The following GPHN variants were observed in gnomAD, a reference collection of about 807,000 sequenced individuals.
GPHN encodes gephyrin.
In GPHN, 17 loss-of-function variants were observed where a neutral mutation model predicts 95.5. That is an observed-to-expected ratio of 0.18 (90% CI 0.12 to 0.27). The LOEUF is 0.27. Ranked by LOEUF, GPHN falls within the 10% of genes least tolerant of loss-of-function variation. The pLI is 1.00. For synonymous variants in GPHN, 320 were observed against 322.5 expected (o/e 0.99, Z 0.08); for missense variants, 660 against 978.1 (o/e 0.67, Z 4.34).
intron 22 of GPHN, among the ~76,000 whole-genome samples, chr14:67,180,023 C>G (rs1376534138): frequency 1.3e-5 from 2 of 152,256 alleles, no homozygotes; most frequent in South Asian, 2.1e-4. Flanking sequence ...TCTAGCTATA[C>G]CATCTTGAAA....
the GPHN span, among the ~76,000 whole-genome samples, chr14:67,263,455 TA>T: frequency 6.6e-6 from 1 of 152,218 alleles, no homozygotes; most frequent in Non-Finnish European, 1.5e-5. Context: ...TTTCATTGTT[TA>T]AAAGAGAATC....
At chr14:67,254,485 A>C in the GPHN span, among the ~76,000 whole-genome samples, 2 of 152,136 alleles carry the variant, frequency 1.3e-5, no homozygotes, top group Admixed American at 1.3e-4. Context: ...GTACTACCAT[A>C]ATAAAAGTTA....
intron 5 of GPHN, among the ~76,000 whole-genome samples, chr14:66,900,883 C>A (rs955796766): frequency 6.6e-6 from 1 of 151,866 alleles, no homozygotes; most frequent in African/African-American, 2.4e-5. Flanking sequence ...ATGTTGATTT[C>A]CCTTCTTTTG....
At chr14:67,290,684 C>T in the GPHN span, among the ~76,000 whole-genome samples, 1 of 152,122 alleles carries the variant, frequency 6.6e-6, no homozygotes, top group South Asian at 2.1e-4. Context: ...AGGCGTGAGC[C>T]ACTGTGCCTA....
chr14:66,954,299 T>C (rs1187342421), intron 8 of GPHN, among the ~76,000 whole-genome samples: 2 of 152,204 alleles, frequency 1.3e-5, no homozygotes, highest in African/African-American at 4.8e-5. Context: ...TTGCCTTTAA[T>C]TTCTTTCAGC....
chr14:67,367,300 G>T, the GPHN span, among the ~76,000 whole-genome samples: 1 of 152,178 alleles, frequency 6.6e-6, no homozygotes, highest in East Asian at 1.9e-4. Flanking sequence ...GCACGATCTT[G>T]GCTCACTGCA....
chr14:67,724,399 T>C, the GPHN span: 1 of 992,036 alleles, frequency 1.0e-6, no homozygotes, highest in African/African-American at 1.6e-5. Flanking sequence ...AGAGTTTTTT[T>C]TTTTTTTTTT....
chr14:67,715,245 T>C, the GPHN span: 626 of 152,070 alleles, frequency 4.1e-3, 1 homozygote, highest in Admixed American at 6.9e-3. Flanking sequence ...CCCCCTAAAT[T>C]GAATAGACTT....
chr14:66,846,540 T>C (rs1417300225), intron 4 of GPHN, among the ~76,000 whole-genome samples: 1 of 152,080 alleles, frequency 6.6e-6, no homozygotes, highest in East Asian at 1.9e-4. Flanking sequence ...TGGCTGTATA[T>C]AAGGAAATCC....
chr14:67,593,396 T>A, the GPHN span: 82 of 254,444 alleles, frequency 3.2e-4, no homozygotes, highest in East Asian at 5.3e-3. Context: ...GAGGCTGAGG[T>A]GGGAGAATGG....
chr14:67,102,333 G>T (rs1010716457), intron 13 of GPHN, among the ~76,000 whole-genome samples: 8 of 151,888 alleles, frequency 5.3e-5, no homozygotes, highest in Non-Finnish European at 5.9e-5. Flanking sequence ...TCCTGAGATG[G>T]AATACCCAAC....
the GPHN span, chr14:67,733,975 C>A: frequency 2.9e-6 from 2 of 679,808 alleles, no homozygotes; most frequent in Non-Finnish European, 5.4e-6. Flanking sequence ...CTGCTCTGAT[C>A]CTCTTGACCC....
At chr14:67,052,097 A>G (rs1467068604) in intron 10 of GPHN, among the ~76,000 whole-genome samples, 2 of 152,206 alleles carry the variant, frequency 1.3e-5, no homozygotes, top group African/African-American at 2.4e-5. Context: ...ACAGGATCAA[A>G]TTCACAAATA....
chr14:67,127,986 C>A lies in GPHN; in HGVS notation c.1748+5609C>A, dbSNP rs570299101. Among the ~76,000 whole-genome samples, 17 of 152,286 alleles carry A rather than the reference C, an allele frequency of 1.1e-4. No homozygotes were observed. The East Asian group carries it at 3.3e-3, about 29-fold the overall frequency. On this transcript the variant is annotated intron_variant, in intron 17 of 22. Coordinates refer to ENST00000478722, the MANE Select transcript of GPHN (RefSeq NM_020806.5). ...GGCCTCTTTACCACAATTTTATATTCCTGTGTAGCAACATACTATTTCCAT... is the reference window on the plus strand; with the variant it reads ...GGCCTCTTTACCACAATTTTATATTACTGTGTAGCAACATACTATTTCCAT...
the GPHN span, among the ~76,000 whole-genome samples, chr14:67,257,095 C>G: frequency 2.0e-5 from 3 of 151,964 alleles, no homozygotes; most frequent in African/African-American, 7.3e-5. Context: ...CAACTTGAGG[C>G]GGGGGCTTTC....
At chr14:66,578,699 A>G (rs1411950369) in intron 1 of GPHN, among the ~76,000 whole-genome samples, 1 of 149,856 alleles carries the variant, frequency 6.7e-6, no homozygotes, top group African/African-American at 2.4e-5. Context: ...TTGCTCAAAG[A>G]AAGAAAAAAA....
chr14:67,522,445 C>G, the GPHN span, among the ~76,000 whole-genome samples: 1 of 152,098 alleles, frequency 6.6e-6, no homozygotes, highest in South Asian at 2.1e-4. Context: ...ATTGTTGAGG[C>G]GAGCCTGGTT....
At chr14:66,602,988 G>T (rs1339494766) in intron 1 of GPHN, among the ~76,000 whole-genome samples, 2 of 151,794 alleles carry the variant, frequency 1.3e-5, no homozygotes, top group Non-Finnish European at 3.0e-5. Flanking sequence ...TTTTGATCCA[G>T]TGTTCAATTT....
Position 66,675,602 on chromosome 14 carries a change from G to T in GPHN, c.65-5505G>T, listed in dbSNP as rs532435582. ...GTTGATCTTCTTTTTTTGCTCTACAGAAGCTTTTTAGTTTGGTATAGTTCC... is the reference window on the plus strand; with the variant it reads ...GTTGATCTTCTTTTTTTGCTCTACATAAGCTTTTTAGTTTGGTATAGTTCC... On this transcript the variant is annotated intron_variant, in intron 1 of 22. Coordinates refer to ENST00000478722, the MANE Select transcript of GPHN (RefSeq NM_020806.5). 7.2e-5 allele frequency among the ~76,000 whole-genome samples: 11 copies of T among 152,142 alleles called. No individual in the cohort carries two copies. The East Asian group carries it at 1.7e-3, about 24-fold the overall frequency.
Sources: gnomAD v4.1 joint callset for allele counts (sites outside exome capture counted in the v4.1 genomes callset) on GRCh38, gnomAD v4.1.1 for gene constraint, MANE v1.5 for transcripts, NCBI Gene and HGNC (gene_info 2026-07-23, HGNC 2026-07-21) for gene names.